Variants in SNX29 observed in about 807,000 individuals in gnomAD.
SNX29 encodes sorting nexin-29.
SNX29 carries 78 observed loss-of-function variants against 102.1 expected under a neutral mutation model. The observed-to-expected ratio is 0.76, with a 90% CI of 0.64 to 0.92. SNX29 has a LOEUF of 0.92. Among genes scored for constraint, SNX29 ranks in the 40% least tolerant of loss-of-function variants. SNX29 has a pLI of 0.00. For missense variants in SNX29, 1,280 were observed against 1,061.7 expected (o/e 1.21, Z -2.86); for synonymous variants, 580 against 414.5 (o/e 1.40, Z -4.85).
At chr16:12,275,730 T>C (rs2079224381) in intron 14 of SNX29, among the ~76,000 whole-genome samples, 1 of 151,888 alleles carries the variant, frequency 6.6e-6, no homozygotes, top group African/African-American at 2.4e-5. Flanking sequence ...TATAAAAACC[T>C]TTTTTTGCTT....
intron 19 of SNX29, among the ~76,000 whole-genome samples, chr16:12,486,839 C>T (rs983710902): frequency 2.0e-5 from 3 of 152,220 alleles, no homozygotes; most frequent in African/African-American, 7.2e-5. Flanking sequence ...GTGCTGCCCT[C>T]ATAGTTCATC....
chr16:12,503,086 G>A (rs1447626099), intron 19 of SNX29, among the ~76,000 whole-genome samples: 1 of 152,128 alleles, frequency 6.6e-6, no homozygotes, highest in African/African-American at 2.4e-5. Flanking sequence ...TACAGCCACA[G>A]GGAGGACCCT....
rs529378126 is a variant in SNX29 at position 12,011,880 on chromosome 16, A to G, written c.122+8837A>G. 3.3e-5 allele frequency among the ~76,000 whole-genome samples: 5 copies of G among 152,290 alleles called. No homozygotes were observed. The South Asian group carries it at 8.3e-4, about 25-fold the overall frequency. On this transcript the variant is annotated intron_variant, in intron 3 of 20. Transcript: ENST00000566228. ...ATAATAATAATGATACTCACTTGCT[A>G]GGGTTATAGTCAGGATTAGCTGTAA...
chr16:12,528,458 C>T (rs553320647), intron 20 of SNX29, among the ~76,000 whole-genome samples: 18 of 152,272 alleles, frequency 1.2e-4, no homozygotes, highest in South Asian at 4.1e-4. Context: ...CCTCGACCTC[C>T]GAAAGTGCTG....
intron 1 of SNX29, among the ~76,000 whole-genome samples, chr16:11,996,831 A>T (rs1287504438): frequency 3.3e-5 from 5 of 152,240 alleles, no homozygotes; most frequent in African/African-American, 1.2e-4. Context: ...GTCTATAGCC[A>T]TCCTGAGCGA....
chr16:12,253,358 T>G (rs2078476533), intron 14 of SNX29, among the ~76,000 whole-genome samples: 2 of 152,084 alleles, frequency 1.3e-5, no homozygotes, highest in East Asian at 1.9e-4. Context: ...CTATGTGGAG[T>G]TGCATTCTAG....
chr16:12,565,616 G>C (rs537572103), intron 20 of SNX29, among the ~76,000 whole-genome samples: 1 of 152,260 alleles, frequency 6.6e-6, no homozygotes, highest in East Asian at 1.9e-4. Context: ...GACTTCCCAG[G>C]TGCCAGGCAC....
At chr16:12,240,435 T>C (rs1485055166) in intron 14 of SNX29, among the ~76,000 whole-genome samples, 1 of 152,206 alleles carries the variant, frequency 6.6e-6, no homozygotes, top group African/African-American at 2.4e-5. Flanking sequence ...TTTCCAGGAC[T>C]ATTGACCATT....
At chr16:12,347,264 G>A (rs2081841595) in intron 15 of SNX29, among the ~76,000 whole-genome samples, 1 of 152,130 alleles carries the variant, frequency 6.6e-6, no homozygotes, top group African/African-American at 2.4e-5. Context: ...ACAGGTCTCA[G>A]TTGAATTTAT....
chr16:12,328,810 A>G (rs1378817618), intron 15 of SNX29, among the ~76,000 whole-genome samples: 1 of 152,048 alleles, frequency 6.6e-6, no homozygotes, highest in East Asian at 1.9e-4. Context: ...TTAGGCAAAG[A>G]TGGAGTTGAT....
intron 8 of SNX29, among the ~76,000 whole-genome samples, chr16:12,058,606 G>A (rs1186580723): frequency 5.4e-5 from 8 of 147,320 alleles, no homozygotes; most frequent in African/African-American, 1.0e-4. Flanking sequence ...TGATTCTCCT[G>A]CCTCACCCTT....
intron 18 of SNX29, among the ~76,000 whole-genome samples, chr16:12,455,226 T>C (rs1327500262): frequency 6.6e-6 from 1 of 152,046 alleles, no homozygotes; most frequent in Non-Finnish European, 1.5e-5. Flanking sequence ...CCCCACCGAG[T>C]CTGATTTGGG....
intron 20 of SNX29, chr16:12,557,654 A>C (rs1246030489): frequency 1.3e-5 from 2 of 152,080 alleles, no homozygotes; most frequent in East Asian, 1.9e-4. Flanking sequence ...GAGCCACTAC[A>C]CCCAGCCCAA....
chr16:12,219,191 C>G (rs1015874310), intron 14 of SNX29, among the ~76,000 whole-genome samples: 1 of 151,870 alleles, frequency 6.6e-6, no homozygotes, highest in African/African-American at 2.4e-5. Context: ...AGCGTGGGTG[C>G]AGCGTCCATC....
At chr16:12,319,207 G>A (rs1475832948) in intron 15 of SNX29, among the ~76,000 whole-genome samples, 1 of 152,178 alleles carries the variant, frequency 6.6e-6, no homozygotes, top group Non-Finnish European at 1.5e-5. Flanking sequence ...CACTCAGTCA[G>A]TGCTGACACA....
At position 12,398,352 on chromosome 16, in the gene SNX29, G is replaced by C. The variant is rs566720465; in HGVS notation, c.1900-94G>C. The C allele has an allele frequency of 2.7e-5, 36 of 1,342,176 alleles. No homozygotes were observed. In the South Asian group the frequency reaches 4.1e-4, roughly 15 times the overall value. The allele number at this position is 1,342,176 out of a possible 1,614,324, so 83.1% of individuals were successfully genotyped here. On this transcript the variant is annotated intron_variant, in intron 16 of 20. Coordinates refer to ENST00000566228, the MANE Select transcript of SNX29 (RefSeq NM_032167.5). The stretch of plus-strand genomic sequence containing the variant: ...CTTCATTCTGAATAGGAAATGTTCA[G>C]GGATCTCTGAGAGGCAGAATTCTTC...
At chr16:12,543,355 C>T (rs571138480) in intron 20 of SNX29, among the ~76,000 whole-genome samples, 18 of 152,242 alleles carry the variant, frequency 1.2e-4, no homozygotes, top group South Asian at 8.3e-4. Flanking sequence ...GGGTGTTCAG[C>T]CCACCTAAGC....
chr16:12,130,607 C>A (rs1178266948), intron 13 of SNX29, among the ~76,000 whole-genome samples: 1 of 151,816 alleles, frequency 6.6e-6, no homozygotes, highest in Non-Finnish European at 1.5e-5. Flanking sequence ...TGTGCAAGTC[C>A]CCTTCTCTTA....
chr16:12,385,310 G>A (rs779211512), intron 16 of SNX29, among the ~76,000 whole-genome samples: 54 of 152,234 alleles, frequency 3.5e-4, no homozygotes, highest in Non-Finnish European at 7.5e-4. Context: ...GGGACTTGTG[G>A]AAGGAAAGAA....
Sources: allele counts gnomAD v4.1 joint callset (sites outside exome capture counted in the v4.1 genomes callset), GRCh38; gene constraint gnomAD v4.1.1; transcripts MANE v1.5; gene names NCBI Gene and HGNC (gene_info 2026-07-23, HGNC 2026-07-21).